TAF4B: variants seen among roughly 807,000 people sequenced by gnomAD.
The protein encoded by TAF4B is transcription initiation factor TFIID subunit 4B.
In TAF4B, 38 loss-of-function variants were observed where a neutral mutation model predicts 86.4. That is an observed-to-expected ratio of 0.44 (90% CI 0.34 to 0.58). The LOEUF (loss-of-function observed/expected upper bound fraction) is 0.58. Ranked by LOEUF, TAF4B falls within the 20% of genes least tolerant of loss-of-function variation. The pLI is 0.02. For synonymous variants in TAF4B, 388 were observed against 391.2 expected (o/e 0.99, Z 0.10); for missense variants, 988 against 1,027.6 (o/e 0.96, Z 0.53).
In TAF4B at chr18:26,346,755, GTGTGTATATATATATATA is replaced by G. The variant is rs1479195295; in HGVS notation, c.2317-10929_2317-10912del. On this transcript the variant is annotated intron_variant, in intron 13 of 14. Transcript: ENST00000269142. ...TAGCCAAGAATATATATATATATAT[GTGTGTATATATATATATA>G]TGTGTGTGTATATATATATATATAT... 4.8e-3 allele frequency among the ~76,000 whole-genome samples: 147 copies of G among 30,404 alleles called. 17 individuals are homozygous for G. The highest frequency in any genetic ancestry group is 0.034 in the East Asian group (20 of 588). The allele number at this position is 30,404 out of a possible 152,430, so 19.9% of individuals were successfully genotyped here. A position where few individuals can be genotyped will look rare whatever the true frequency, so the allele number is the denominator to read the frequency against.
intron 1 of TAF4B, among the ~76,000 whole-genome samples, chr18:26,244,801 G>A (rs1395763617): frequency 6.6e-6 from 1 of 152,202 alleles, no homozygotes; most frequent in Non-Finnish European, 1.5e-5. Context: ...TAGCCTTGGA[G>A]AAGAGAGGTG....
intron 9 of TAF4B, among the ~76,000 whole-genome samples, chr18:26,314,389 A>G (rs1406468404): frequency 6.6e-6 from 1 of 152,154 alleles, no homozygotes; most frequent in African/African-American, 2.4e-5. Context: ...CCACGTAACA[A>G]TTCCATTAGA....
chr18:26,238,589 CCT>C (rs547938146), intron 1 of TAF4B, among the ~76,000 whole-genome samples: 214 of 151,824 alleles, frequency 1.4e-3, no homozygotes, highest in Non-Finnish European at 2.5e-3. Flanking sequence ...AATATTTATA[CCT>C]TTTTTTTTTA....
intron 9 of TAF4B, among the ~76,000 whole-genome samples, chr18:26,310,255 C>G (rs527360141): frequency 2.6e-4 from 40 of 152,236 alleles, no homozygotes; most frequent in African/African-American, 9.6e-4. Context: ...TTAAGTGTGC[C>G]TGTTAGAAAA....
intron 14 of TAF4B, among the ~76,000 whole-genome samples, chr18:26,368,309 T>C (rs982736921): frequency 1.3e-5 from 2 of 152,214 alleles, no homozygotes; most frequent in Non-Finnish European, 2.9e-5. Flanking sequence ...ATTGAAATAC[T>C]AAGCCTGAAA....
intron 1 of TAF4B, among the ~76,000 whole-genome samples, chr18:26,245,893 G>A (rs12458331): frequency 0.11 from 16,817 of 152,218 alleles, 962 homozygotes; most frequent in Middle Eastern, 0.14. Flanking sequence ...ATTCGCAGGC[G>A]TTGATACTGT....
At chr18:26,346,795 A>G (rs866127257) in intron 13 of TAF4B, among the ~76,000 whole-genome samples, 4,105 of 24,812 alleles carry the variant, frequency 0.17, 1,117 homozygotes, top group East Asian at 0.32. Flanking sequence ...ATATATATAT[A>G]TATGTGTATA....
intron 1 of TAF4B, among the ~76,000 whole-genome samples, chr18:26,234,016 G>A (rs1054907881): frequency 6.6e-6 from 1 of 152,224 alleles, no homozygotes; most frequent in Non-Finnish European, 1.5e-5. Flanking sequence ...GAAAAGTTTG[G>A]TGGAGGGTCT....
chr18:26,359,653 T>C (rs1479109636), intron 14 of TAF4B, among the ~76,000 whole-genome samples: 1 of 152,216 alleles, frequency 6.6e-6, no homozygotes. Flanking sequence ...GTATTTCTTA[T>C]CTGTGCTTAT....
At chr18:26,353,109 G>T (rs184529067) in intron 13 of TAF4B, among the ~76,000 whole-genome samples, 1 of 151,978 alleles carries the variant, frequency 6.6e-6, no homozygotes, top group Non-Finnish European at 1.5e-5. Flanking sequence ...AACCCACAAA[G>T]ATGTTACAAA....
At chr18:26,348,858 G>C (rs1416766101) in intron 13 of TAF4B, 2 of 152,982 alleles carry the variant, frequency 1.3e-5, no homozygotes, top group African/African-American at 4.8e-5. Context: ...ACACTTGAGA[G>C]AAAGCTTCTG....
intron 9 of TAF4B, among the ~76,000 whole-genome samples, chr18:26,307,576 ATATC>A (rs1404223494): frequency 6.6e-6 from 1 of 150,650 alleles, no homozygotes; most frequent in African/African-American, 2.4e-5. Flanking sequence ...TTTATGGATA[ATATC>A]TATATACTAT....
At chr18:26,254,824 A>G (rs1018821159) in intron 1 of TAF4B, among the ~76,000 whole-genome samples, 6 of 152,224 alleles carry the variant, frequency 3.9e-5, no homozygotes, top group African/African-American at 1.4e-4. Context: ...ACAGGATGCA[A>G]CATATATAGT....
In TAF4B at chr18:26,227,031, T is replaced by C; in HGVS notation, c.98T>C (p.Val33Ala). The C allele has an allele frequency of 6.6e-7, 1 of 1,506,614 alleles. No individual in the cohort carries two copies. Among genetic ancestry groups the C allele is most frequent in the African/African-American group, 1.5e-5 (1 of 68,356 alleles). 93.3% of individuals were successfully genotyped at this position (1,506,614 alleles called of 1,614,324 possible). A position where few individuals can be genotyped will look rare whatever the true frequency, so the allele number is the denominator to read the frequency against. ...ATGGCCCCGGCCGGGGCGCTGCCGG[T>C]GCGGGTGGAGAGCACTCCGGTGGCC... is the stretch of plus-strand genomic sequence containing the variant. ...VTMAPAGALP[V>A]RVESTPVALG... The change falls in exon 1 of 15, where the codon GTG (valine) becomes GCG (alanine). Residue 33 changes from valine (V) to alanine (A), a missense_variant. Val to Ala is a moderately conservative substitution (Grantham distance 64). Coordinates refer to ENST00000269142, the MANE Select transcript of TAF4B (RefSeq NM_005640.3).
intron 1 of TAF4B, among the ~76,000 whole-genome samples, chr18:26,252,048 T>C (rs1349304327): frequency 1.3e-5 from 2 of 152,216 alleles, no homozygotes; most frequent in Non-Finnish European, 2.9e-5. Context: ...CTCATTTGGT[T>C]CCTTTAACAA....
At chr18:26,258,885 G>A (rs1231980176) in intron 1 of TAF4B, among the ~76,000 whole-genome samples, 2 of 149,510 alleles carry the variant, frequency 1.3e-5, no homozygotes, top group Admixed American at 1.3e-4. Flanking sequence ...TTTTTTTAGA[G>A]ATGGGGTCTT....
At chr18:26,300,243 C>T (rs2056714385) in intron 9 of TAF4B, among the ~76,000 whole-genome samples, 1 of 151,712 alleles carries the variant, frequency 6.6e-6, no homozygotes, top group Non-Finnish European at 1.5e-5. Flanking sequence ...CCCATCTTGG[C>T]CTCCCAAAGT....
At chr18:26,370,458 C>T (rs1464359568) in intron 14 of TAF4B, among the ~76,000 whole-genome samples, 1 of 152,160 alleles carries the variant, frequency 6.6e-6, no homozygotes, top group Non-Finnish European at 1.5e-5. Flanking sequence ...ACCACCCTTG[C>T]CAGTCCTTCT....
chr18:26,308,032 C>G (rs1322258456), intron 9 of TAF4B, among the ~76,000 whole-genome samples: 1 of 152,004 alleles, frequency 6.6e-6, no homozygotes, highest in East Asian at 1.9e-4. Flanking sequence ...TTGCTTGAAC[C>G]TGGGAGGCAG....
Sources: gnomAD v4.1 joint callset for allele counts (sites outside exome capture counted in the v4.1 genomes callset) on GRCh38, gnomAD v4.1.1 for gene constraint, MANE v1.5 for transcripts, NCBI Gene and HGNC (gene_info 2026-07-23, HGNC 2026-07-21) for gene names.